The following MEGF10 variants were observed in gnomAD, a reference collection of about 807,000 sequenced individuals.
The protein encoded by MEGF10 is multiple epidermal growth factor-like domains protein 10.
In MEGF10, 86 loss-of-function variants were observed where a neutral mutation model predicts 147.5. The observed-to-expected ratio is 0.58, with a 90% CI of 0.49 to 0.70. MEGF10 has a LOEUF of 0.70. Among genes scored for constraint, MEGF10 ranks in the 30% least tolerant of loss-of-function variants. The pLI, the probability that MEGF10 is intolerant of heterozygous loss-of-function variation, is 0.00. For missense variants in MEGF10, 1,329 were observed against 1,487.3 expected (o/e 0.89, Z 1.75); for synonymous variants, 478 against 525.5 (o/e 0.91, Z 1.24).
chr5:127,283,279 A>G, the MEGF10 span, among the ~76,000 whole-genome samples: 8 of 152,234 alleles, frequency 5.3e-5, no homozygotes, highest in East Asian at 1.3e-3. Context: ...CTCATTATGC[A>G]GAATATTTAG....
intron 20 of MEGF10, 145 bp from the exon 21 acceptor site, chr5:127,447,412 C>T (rs1351863860): frequency 7.2e-6 from 7 of 965,758 alleles, no homozygotes; most frequent in Admixed American, 2.0e-5. Flanking sequence ...CTCCTGACCT[C>T]GTCATCTGCC....
chr5:127,355,324 AC>A (rs1383960502), intron 4 of MEGF10, among the ~76,000 whole-genome samples: 1 of 152,094 alleles, frequency 6.6e-6, no homozygotes, highest in Non-Finnish European at 1.5e-5. Flanking sequence ...TAAAAAAAAA[AC>A]CATAGTCTTT....
chr5:127,337,203 A>G (rs1027184199), intron 2 of MEGF10, among the ~76,000 whole-genome samples: 1 of 152,150 alleles, frequency 6.6e-6, no homozygotes, highest in Non-Finnish European at 1.5e-5. Flanking sequence ...AAGCCAGTAC[A>G]TATGTTACAG....
At chr5:127,398,853 C>A in intron 7 of MEGF10, 57 bp downstream of exon 7, 1 of 1,609,694 alleles carries the variant, frequency 6.2e-7, no homozygotes, top group South Asian at 1.1e-5. Context: ...TTCCAGGATA[C>A]TCAGTGCATA....
chr5:127,377,585 C>A (rs1237191671), intron 5 of MEGF10, among the ~76,000 whole-genome samples: 6 of 152,090 alleles, frequency 3.9e-5, no homozygotes, highest in Admixed American at 3.9e-4. Flanking sequence ...CACTGATAAC[C>A]TTTTGTGTAA....
chr5:127,240,418 A>G, the MEGF10 span, among the ~76,000 whole-genome samples: 1 of 152,182 alleles, frequency 6.6e-6, no homozygotes, highest in East Asian at 1.9e-4. Context: ...TCATCATTGT[A>G]TCCATAGAAG....
intron 5 of MEGF10, among the ~76,000 whole-genome samples, chr5:127,378,927 G>A (rs1008112860): frequency 8.6e-5 from 13 of 151,786 alleles, no homozygotes; most frequent in African/African-American, 3.1e-4. Flanking sequence ...ATCATATCCA[G>A]TTTATATTGC....
At chr5:127,369,723 A>G (rs1762784122) in intron 4 of MEGF10, among the ~76,000 whole-genome samples, 187 bp from the exon 5 acceptor site, 1 of 152,218 alleles carries the variant, frequency 6.6e-6, no homozygotes, top group Non-Finnish European at 1.5e-5. Flanking sequence ...GGTGATACCA[A>G]AATAAGAAGG....
At chr5:127,409,090 AAGATTTGTCCT>A (rs1309197849) in intron 8 of MEGF10, among the ~76,000 whole-genome samples, 1 of 152,150 alleles carries the variant, frequency 6.6e-6, no homozygotes, top group Admixed American at 6.5e-5. Flanking sequence ...AAAAAGTATC[AAGATTTGTCCT>A]CTACACTAAA....
intron 8 of MEGF10, among the ~76,000 whole-genome samples, chr5:127,404,320 T>C (rs1373514617): frequency 6.6e-6 from 1 of 150,860 alleles, no homozygotes; most frequent in African/African-American, 2.5e-5. Context: ...ATATTAGACT[T>C]TTTCCTATAG....
chr5:127,374,823 T>C (rs1354825600), intron 5 of MEGF10, among the ~76,000 whole-genome samples: 3 of 152,166 alleles, frequency 2.0e-5, no homozygotes, highest in Admixed American at 1.3e-4. Context: ...TTTCATGTAA[T>C]TGGTCACAAG....
intron 5 of MEGF10, among the ~76,000 whole-genome samples, chr5:127,378,025 C>T (rs747465775): frequency 1.3e-5 from 2 of 152,102 alleles, no homozygotes; most frequent in Non-Finnish European, 2.9e-5. Flanking sequence ...ATAAAGGTCA[C>T]AGACAGAAAC....
intron 5 of MEGF10, among the ~76,000 whole-genome samples, chr5:127,379,907 G>T (rs189301091): frequency 3.3e-5 from 5 of 152,026 alleles, no homozygotes; most frequent in African/African-American, 1.2e-4. Flanking sequence ...CTGGCCACAC[G>T]GCTGGCTTCT....
At chr5:127,447,713 A>G in intron 21 of MEGF10, 29 bp downstream of exon 21, 1 of 1,613,572 alleles carries the variant, frequency 6.2e-7, no homozygotes, top group South Asian at 1.1e-5. Context: ...AGTCTTTGGA[A>G]GTGGGCTGGG....
intron 1 of MEGF10, among the ~76,000 whole-genome samples, chr5:127,322,644 T>C (rs1760833536): frequency 6.6e-6 from 1 of 152,192 alleles, no homozygotes; most frequent in African/African-American, 2.4e-5. Flanking sequence ...TGTTTGCTGG[T>C]TGAAATAACA....
the MEGF10 span, among the ~76,000 whole-genome samples, chr5:127,233,940 A>AT: frequency 6.6e-6 from 1 of 152,094 alleles, no homozygotes; most frequent in Non-Finnish European, 1.5e-5. Context: ...ATCTGTGGGG[A>AT]TTTTTTAGCT....
chr5:127,309,154 G>A (rs1460805723), intron 1 of MEGF10, among the ~76,000 whole-genome samples: 1 of 152,212 alleles, frequency 6.6e-6, no homozygotes, highest in Admixed American at 6.5e-5. Flanking sequence ...AAGAATTCAT[G>A]AATGTCTGTC....
chr5:127,271,960 T>C, the MEGF10 span, among the ~76,000 whole-genome samples: 94 of 152,344 alleles, frequency 6.2e-4, no homozygotes, highest in African/African-American at 2.3e-3. Flanking sequence ...TTTTTGCTTT[T>C]GTTGCTATTG....
At chr5:127,299,315 T>C (rs1173438096) in intron 1 of MEGF10, among the ~76,000 whole-genome samples, 2 of 152,186 alleles carry the variant, frequency 1.3e-5, no homozygotes, top group African/African-American at 4.8e-5. Flanking sequence ...CAGATCTAGA[T>C]AGCTGTTTTG....
Sources: allele counts gnomAD v4.1 joint callset (sites outside exome capture counted in the v4.1 genomes callset), GRCh38; gene constraint gnomAD v4.1.1; transcripts MANE v1.5; gene names NCBI Gene and HGNC (gene_info 2026-07-23, HGNC 2026-07-21).